Variants in CNTF observed in about 807,000 individuals in gnomAD.
CNTF encodes the protein Ciliary Neuronotrophic Factor.
CNTF carries 14 observed loss-of-function variants against 13.0 expected under a neutral mutation model. That is an observed-to-expected ratio of 1.07 (90% confidence interval 0.71 to 1.68). CNTF has a LOEUF of 1.68. CNTF is among the 40% of genes most tolerant of loss of function. The pLI is 0.00. For missense variants in CNTF, 283 were observed against 252.5 expected (o/e 1.12, Z -0.82); for synonymous variants, 98 against 92.4 (o/e 1.06, Z -0.35).
In CNTF at chr11:58,624,430, A is replaced by C. The variant is rs1184826872; in HGVS notation, c.511A>C (p.Arg171=). 6.2e-7 allele frequency: 1 copy of C among 1,613,954 alleles called. No individual in the cohort carries two copies. The highest frequency in any genetic ancestry group is 8.5e-7 in the Non-Finnish European group (1 of 1,179,924). The change falls in exon 2 of 2, where the codon AGG becomes CGG. Residue 171 remains arginine, a synonymous_variant. Coordinates refer to ENST00000361987, the MANE Select transcript of CNTF (RefSeq NM_000614.4). ...VLQELSQWTV[R]SIHDLRFISS... is the part of the protein sequence containing the mutation. ...GCAGGAGCTTTCACAGTGGACAGTA[A>C]GGTCCATCCATGACCTTCGTTTCAT...
rs1385080476 is a variant in CNTF at position 58,624,089 on chromosome 11, C to T, written c.170C>T (p.Pro57Leu). ...AACCTGGACTCTGCGGATGGGATGC[C>T]AGTGGCAAGCACTGATCAGTGGAGT... is the stretch of plus-strand genomic sequence containing the variant. ...NINLDSADGM[P>L]VASTDQWSEL... Residue 57 changes from proline (P) to leucine (L), a missense_variant, in exon 2 of 2, where the codon CCA (proline) becomes CTA (leucine). By Grantham distance (98) the Pro-to-Leu change is moderately conservative. Transcript: ENST00000361987. 6.2e-7 allele frequency: 1 copy of T among 1,611,164 alleles called. No individual in the cohort carries two copies. The highest frequency in any genetic ancestry group is 8.5e-7 in the Non-Finnish European group (1 of 1,178,588).
Position 58,624,060 on chromosome 11 carries a change from C to T in CNTF, c.141C>T (p.Asn47=). 1 of 1,612,160 alleles carries T rather than the reference C, an allele frequency of 6.2e-7. No homozygotes were observed. The highest frequency in any genetic ancestry group is 8.5e-7 in the Non-Finnish European group (1 of 1,179,020). The part of the protein sequence containing the change: ...SYVKHQGLNK[N]INLDSADGMP... ...TGAAGCATCAGGGCCTGAACAAGAA[C>T]ATCAACCTGGACTCTGCGGATGGGA... is the stretch of plus-strand genomic sequence containing the variant. The change falls in exon 2 of 2, where the codon AAC becomes AAT. Residue 47 remains asparagine (N), a synonymous_variant. Transcript: ENST00000361987.
chr11:58,622,948 A>G, intron 1 of CNTF, 82 bp downstream of exon 1: 1 of 932,548 alleles, frequency 1.1e-6, no homozygotes, highest in Non-Finnish European at 1.7e-6. Context: ...CAGCTCCATT[A>G]CCAATTGTGA....
chr11:58,623,968 T>C, intron 1 of CNTF, 66 bp from the exon 2 acceptor site: 1 of 1,562,902 alleles, frequency 6.4e-7, no homozygotes, highest in East Asian at 2.2e-5. Context: ...GTATGAAATT[T>C]AGGGGTGATT....
Position 58,625,190 on chromosome 11 carries a change from C to A in CNTF, c.*668C>A, listed in dbSNP as rs1258006494. 1 of 152,324 alleles carries A rather than the reference C, an allele frequency of 6.6e-6. No individual in the cohort carries two copies. The highest frequency in any genetic ancestry group is 1.5e-5 in the Non-Finnish European group (1 of 68,144). 9.4% of individuals were successfully genotyped at this position (152,324 alleles called of 1,614,324 possible). ...CACAGATCATTCTCCTTGTAAAAGC[C>A]TATGTGCCTTTCACTTTAGAGGCTT... On this transcript the variant is annotated 3_prime_UTR_variant, in exon 2 of 2. Transcript: ENST00000361987.
rs368989433 is a variant in CNTF at position 58,624,284 on chromosome 11, A to G, written c.365A>G (p.Gln122Arg). 9.5e-5 allele frequency: 153 copies of G among 1,613,710 alleles called. No individual in the cohort carries two copies. Among genetic ancestry groups the G allele is most frequent in the Middle Eastern group, 4.9e-4 (3 of 6,082 alleles). The change falls in exon 2 of 2, where the codon CAG (glutamine) becomes CGG (arginine). Residue 122 changes from glutamine (Q) to arginine (R), a missense_variant. Transcript: ENST00000361987. ...CTCCAAGTCGCTGCCTTTGCATACC[A>G]GATAGAGGAGTTAATGATACTCCTG... ...LLLQVAAFAYQIEELMILLEY... is the reference protein window; with the variant it reads ...LLLQVAAFAYRIEELMILLEY...
At chr11:58,623,952 G>A in intron 1 of CNTF, 82 bp from the exon 2 acceptor site, 2 of 1,535,946 alleles carry the variant, frequency 1.3e-6, no homozygotes, top group Non-Finnish European at 1.7e-6. Flanking sequence ...AGATGAGTGA[G>A]ATTTTGTATG....
chr11:58,623,933 T>C (rs990069367), intron 1 of CNTF, 101 bp from the exon 2 acceptor site: 2 of 1,488,466 alleles, frequency 1.3e-6, no homozygotes, highest in Admixed American at 4.2e-5. Flanking sequence ...CTTGGATCCT[T>C]GGCCAGAGAG....
intron 1 of CNTF, among the ~76,000 whole-genome samples, chr11:58,623,085 T>C (rs1245594298): frequency 2.0e-5 from 3 of 152,054 alleles, no homozygotes; most frequent in African/African-American, 2.4e-5. Flanking sequence ...TGAGAAAATA[T>C]ATATGGAGTT....
rs1480725558 is a variant in CNTF at position 58,625,143 on chromosome 11, C to T, written c.*621C>T. 1.3e-5 allele frequency: 2 copies of T among 153,000 alleles called. No individual in the cohort carries two copies. Among genetic ancestry groups the T allele is most frequent in the African/African-American group, 4.8e-5 (2 of 41,570 alleles). The allele number at this position is 153,000 out of a possible 1,614,324, so 9.5% of individuals were successfully genotyped here. ...GATTTGGTTAAGCTCACACAGCTAA[C>T]AAGTAGCACACTGAGTTTGAACACA... On this transcript the variant is annotated 3_prime_UTR_variant, in exon 2 of 2. Coordinates refer to ENST00000361987, the MANE Select transcript of CNTF (RefSeq NM_000614.4).
At chr11:58,624,010 GTGT>G (rs1372504969) in intron 1 of CNTF, 21 bp from the exon 2 acceptor site, 1 of 1,609,094 alleles carries the variant, frequency 6.2e-7, no homozygotes, top group Non-Finnish European at 8.5e-7. Context: ...AGAAGATGTG[GTGT>G]TTTCCTGTAT....
chr11:58,624,734 G>A lies in CNTF; in HGVS notation c.*212G>A, dbSNP rs1799122241. On this transcript the variant is annotated 3_prime_UTR_variant, in exon 2 of 2. Coordinates refer to ENST00000361987, the MANE Select transcript of CNTF (RefSeq NM_000614.4). ...ATACACAAATGGGCATACAAGTTTAGCCTGGGGGGTGTGATTTGTGTGCGT... is the reference window on the plus strand; with the variant it reads ...ATACACAAATGGGCATACAAGTTTAACCTGGGGGGTGTGATTTGTGTGCGT... 1 of 544,556 alleles carries A rather than the reference G, an allele frequency of 1.8e-6. No individual in the cohort carries two copies. Among genetic ancestry groups the A allele is most frequent in the Non-Finnish European group, 3.2e-6 (1 of 309,558 alleles). The allele number at this position is 544,556 out of a possible 1,614,324, so 33.7% of individuals were successfully genotyped here. A position where few individuals can be genotyped will look rare whatever the true frequency, so the allele number is the denominator to read the frequency against.
At position 58,624,680 on chromosome 11, in the gene CNTF, AG is replaced by A. The variant is rs796559611; in HGVS notation, c.*160del. The A allele has an allele frequency of 1.4e-5, 11 of 786,910 alleles. 1 individual carries two copies. In the African/African-American group the frequency reaches 1.7e-4, roughly 12 times the overall value. The allele number at this position is 786,910 out of a possible 1,614,324, so 48.7% of individuals were successfully genotyped here. A position where few individuals can be genotyped will look rare whatever the true frequency, so the allele number is the denominator to read the frequency against. ...CACCTGCAGCCTGTTGAAGGACTAC[AG>A]GTATTTTCATCAAGTAGCGTTGGAG... On this transcript the variant is annotated 3_prime_UTR_variant, in exon 2 of 2. Coordinates refer to ENST00000361987, the MANE Select transcript of CNTF (RefSeq NM_000614.4).
At chr11:58,623,857 TTCTA>T (rs1277308058) in intron 1 of CNTF, among the ~76,000 whole-genome samples, 173 bp from the exon 2 acceptor site, 3 of 152,186 alleles carry the variant, frequency 2.0e-5, no homozygotes, top group African/African-American at 7.2e-5. Context: ...TATTGGGTCT[TTCTA>T]AAGTCCAGTC....
Position 58,624,251 on chromosome 11 carries a change from C to G in CNTF, c.332C>G (p.Thr111Ser), listed in dbSNP as rs1216480041. 1 of 1,613,858 alleles carries G rather than the reference C, an allele frequency of 6.2e-7. No individual in the cohort carries two copies. Among genetic ancestry groups the G allele is most frequent in the African/African-American group, 1.3e-5 (1 of 74,856 alleles). The change falls in exon 2 of 2, where the codon ACC becomes AGC. Residue 111 changes from threonine (T) to serine (S), a missense_variant. By Grantham distance (58) the Thr-to-Ser change is moderately conservative. Coordinates refer to ENST00000361987, the MANE Select transcript of CNTF (RefSeq NM_000614.4). ...GGTGACTTCCATCAAGCTATACATA[C>G]CCTTCTTCTCCAAGTCGCTGCCTTT... ...TEGDFHQAIH[T>S]LLLQVAAFAY... is the part of the protein sequence containing the mutation.
Position 58,624,582 on chromosome 11 carries a change from G to A in CNTF, c.*60G>A. 1 of 1,586,888 alleles carries A rather than the reference G, an allele frequency of 6.3e-7. No individual in the cohort carries two copies. The highest frequency in any genetic ancestry group is 2.2e-5 in the East Asian group (1 of 44,770). On this transcript the variant is annotated 3_prime_UTR_variant, in exon 2 of 2. Coordinates refer to ENST00000361987, the MANE Select transcript of CNTF (RefSeq NM_000614.4). The stretch of plus-strand genomic sequence containing the variant: ...CTAATGGAATATGCGTAGTTCCCTG[G>A]GGCCTCGCTTTCCCATCTTAAATTT...
At chr11:58,624,001 G>A (rs111713087) in intron 1 of CNTF, 33 bp from the exon 2 acceptor site, 1 of 1,606,464 alleles carries the variant, frequency 6.2e-7, no homozygotes. Context: ...GGTGATGACA[G>A]AAGATGTGGT....
Position 58,624,031 on chromosome 11 carries a change from C to A in CNTF, c.115-3C>A. 1 of 1,611,790 alleles carries A rather than the reference C, an allele frequency of 6.2e-7. No homozygotes were observed. Among genetic ancestry groups the A allele is most frequent in the South Asian group, 1.1e-5 (1 of 90,702 alleles). ...TGTGGTGTTTTCCTGTATCCTCGGC[C>A]AGGTGAAGCATCAGGGCCTGAACAA... On this transcript the variant is annotated splice_region_variant and splice_polypyrimidine_tract_variant and intron_variant, in intron 1 of 1. Transcript: ENST00000361987.
chr11:58,624,009 G>C (rs1855889805), intron 1 of CNTF, 25 bp from the exon 2 acceptor site: 1 of 1,608,554 alleles, frequency 6.2e-7, no homozygotes. Flanking sequence ...CAGAAGATGT[G>C]GTGTTTTCCT....
Sources: allele counts gnomAD v4.1 joint callset (sites outside exome capture counted in the v4.1 genomes callset), GRCh38; gene constraint gnomAD v4.1.1; transcripts MANE v1.5; gene names NCBI Gene and HGNC (gene_info 2026-07-23, HGNC 2026-07-21).